Variants in VWF observed in about 807,000 individuals in gnomAD.
VWF encodes von Willebrand factor.
A neutral mutation model predicts 308.6 loss-of-function variants in VWF; 176 were observed. The observed-to-expected ratio is 0.57, with a 90% confidence interval of 0.50 to 0.65. VWF has a LOEUF of 0.65. VWF is among the 30% of genes least tolerant of loss of function. The pLI is 0.00. For synonymous variants in VWF, 1,385 were observed against 1,443.4 expected (o/e 0.96, Z 0.92); for missense variants, 3,146 against 3,648.2 (o/e 0.86, Z 3.55).
intron 28 of VWF, 24 bp downstream of exon 28, chr12:6,018,341 C>G (rs1944085559): frequency 6.2e-7 from 1 of 1,603,050 alleles, no homozygotes; most frequent in African/African-American, 1.3e-5. Context: ...AGCCCTCCCA[C>G]CTGCACACAA....
chr12:6,095,708 G>A (rs1945098692), intron 5 of VWF, 124 bp from the exon 6 acceptor site: 10 of 1,398,270 alleles, frequency 7.2e-6, no homozygotes, highest in Non-Finnish European at 1.0e-5. Flanking sequence ...AAGAGACAGG[G>A]TCTGGCTATG....
chr12:6,041,635 A>T (rs1022226990), intron 18 of VWF, among the ~76,000 whole-genome samples: 2 of 151,508 alleles, frequency 1.3e-5, no homozygotes, highest in Admixed American at 6.6e-5. Flanking sequence ...TTTTTAGTAG[A>T]GACAGCGTTT....
chr12:5,997,139 C>T (rs1565824005), intron 34 of VWF, among the ~76,000 whole-genome samples: 1 of 152,144 alleles, frequency 6.6e-6, no homozygotes, highest in African/African-American at 2.4e-5. Flanking sequence ...AGCAGCACAA[C>T]CACTGACAAA....
intron 20 of VWF, among the ~76,000 whole-genome samples, chr12:6,032,454 A>G (rs1944277070): frequency 6.6e-6 from 1 of 151,390 alleles, no homozygotes; most frequent in African/African-American, 2.4e-5. Context: ...CCTGGTTAAC[A>G]CGGTGAAACC....
intron 34 of VWF, among the ~76,000 whole-genome samples, chr12:6,008,365 C>T (rs537001028): frequency 5.3e-4 from 80 of 152,052 alleles, no homozygotes; most frequent in Non-Finnish European, 9.9e-4. Flanking sequence ...AATGGCTCAA[C>T]GTCTAAAAAT....
chr12:6,092,016 G>A (rs895434996), intron 6 of VWF, among the ~76,000 whole-genome samples: 1 of 152,182 alleles, frequency 6.6e-6, no homozygotes, highest in African/African-American at 2.4e-5. Flanking sequence ...CTCACGCTCT[G>A]CAGAGTGGCC....
At chr12:5,965,673 C>T (rs956593220) in intron 47 of VWF, among the ~76,000 whole-genome samples, 8 of 152,166 alleles carry the variant, frequency 5.3e-5, no homozygotes, top group African/African-American at 1.9e-4. Flanking sequence ...GGCACTTCAG[C>T]CCAACGTGGG....
chr12:5,996,352 T>A (rs1943808877), intron 34 of VWF, 130 bp from the exon 35 acceptor site: 2 of 826,136 alleles, frequency 2.4e-6, no homozygotes, highest in Non-Finnish European at 4.0e-6. Context: ...CCCTTTGAGG[T>A]CATATAGAAC....
intron 34 of VWF, among the ~76,000 whole-genome samples, chr12:5,999,245 A>G: frequency 6.6e-6 from 1 of 152,168 alleles, no homozygotes; most frequent in Non-Finnish European, 1.5e-5. Context: ...AAGGGCAAAA[A>G]TATTTTGAAG....
chr12:6,087,517 C>A (rs987945764), intron 6 of VWF, among the ~76,000 whole-genome samples: 4 of 143,066 alleles, frequency 2.8e-5, no homozygotes, highest in Non-Finnish European at 6.0e-5. Flanking sequence ...CGCCACCACG[C>A]CCGGCTAATT....
At chr12:5,989,609 A>C (rs1368427274) in intron 38 of VWF, among the ~76,000 whole-genome samples, 1 of 152,220 alleles carries the variant, frequency 6.6e-6, no homozygotes, top group African/African-American at 2.4e-5. Context: ...ATTTGGATGG[A>C]AACTTTATAC....
chr12:5,968,152 C>T lies in VWF; in HGVS notation c.7745G>A (p.Cys2582Tyr). The T allele has an allele frequency of 6.2e-7, 1 of 1,614,098 alleles. No homozygotes were observed. The highest frequency in any genetic ancestry group is 8.5e-7 in the Non-Finnish European group (1 of 1,180,000). ...PSCRCERMEA[C>Y]MLNGTVIGPG... ...CCCAATGACAGTGCCATTGAGCATGCAGGCCTCCATGCGCTCTGGGGGAGA... is the reference window on the plus strand; with the variant it reads ...CCCAATGACAGTGCCATTGAGCATGTAGGCCTCCATGCGCTCTGGGGGAGA... The change falls in exon 46 of 52, where the codon TGC (cysteine) becomes TAC (tyrosine). Residue 2582 changes from cysteine (C) to tyrosine (Y), a missense_variant. Physicochemically the swap from Cys to Tyr is radical, Grantham distance 194. Transcript: ENST00000261405.
chr12:6,100,134 A>G (rs1488744792), intron 5 of VWF, among the ~76,000 whole-genome samples: 3 of 152,120 alleles, frequency 2.0e-5, no homozygotes, highest in Non-Finnish European at 2.9e-5. Context: ...CAAAAAACAC[A>G]TGAAAAAATG....
At chr12:5,985,024 T>C in intron 40 of VWF, 21 bp downstream of exon 40, 1 of 1,613,024 alleles carries the variant, frequency 6.2e-7, no homozygotes, top group East Asian at 2.2e-5. Flanking sequence ...CCTGGAGACA[T>C]CCCCCTGGTG....
At chr12:5,952,065 A>G (rs1427323736) in intron 49 of VWF, among the ~76,000 whole-genome samples, 182 bp from the exon 50 acceptor site, 3 of 152,196 alleles carry the variant, frequency 2.0e-5, no homozygotes, top group African/African-American at 2.4e-5. Context: ...AGGCTGAAAC[A>G]ATTTTGATGA....
chr12:6,027,849 T>TACACACACACACACAC (rs138442170), intron 22 of VWF, among the ~76,000 whole-genome samples: 2 of 131,184 alleles, frequency 1.5e-5, no homozygotes, highest in African/African-American at 5.8e-5. Flanking sequence ...GGAAGACACA[T>TACACACACACACACAC]ACACACACAC....
intron 16 of VWF, among the ~76,000 whole-genome samples, chr12:6,051,060 A>G (rs1359880760): frequency 3.3e-5 from 5 of 151,234 alleles, no homozygotes; most frequent in African/African-American, 9.7e-5. Flanking sequence ...TTAATCGTTT[A>G]TTTATTGAAA....
At chr12:6,073,807 T>C in intron 7 of VWF, 66 bp from the exon 8 acceptor site, 1 of 1,608,696 alleles carries the variant, frequency 6.2e-7, no homozygotes, top group South Asian at 1.1e-5. Context: ...TCACCAGCCA[T>C]GCCACAGCCT....
chr12:6,113,985 G>A (rs529532264), intron 3 of VWF, among the ~76,000 whole-genome samples: 1 of 152,362 alleles, frequency 6.6e-6, no homozygotes, highest in Non-Finnish European at 1.5e-5. Flanking sequence ...CTGGGCTCAG[G>A]GGTCTGTGTC....
Sources: gnomAD v4.1 joint callset for allele counts (sites outside exome capture counted in the v4.1 genomes callset) on GRCh38, gnomAD v4.1.1 for gene constraint, MANE v1.5 for transcripts, NCBI Gene and HGNC (gene_info 2026-07-23, HGNC 2026-07-21) for gene names.